The following TTC17 variants were observed in gnomAD, a reference collection of about 807,000 sequenced individuals.
The protein encoded by TTC17 is tetratricopeptide repeat domain 17.
A neutral mutation model predicts 143.8 loss-of-function variants in TTC17; 58 were observed. That is an observed-to-expected ratio of 0.40 (90% CI 0.33 to 0.50). The LOEUF (loss-of-function observed/expected upper bound fraction) is 0.50, where lower values mean the gene tolerates loss of function less well. TTC17 is among the 20% of genes least tolerant of loss of function. The pLI is 0.49. For missense variants in TTC17, 1,273 were observed against 1,392.5 expected, an observed-to-expected ratio of 0.91 and a Z score of 1.37; for synonymous variants, 501 against 497.8, an observed-to-expected ratio of 1.01 and a Z score of -0.09.
chr11:43,386,279 T>G (rs1857166717), intron 2 of TTC17, among the ~76,000 whole-genome samples: 1 of 152,178 alleles, frequency 6.6e-6, no homozygotes, highest in Admixed American at 6.5e-5. Context: ...AGGAATATGC[T>G]CTGAGAAATG....
At chr11:43,397,016 CTTTCCA>C (rs1474906753) in intron 6 of TTC17, 198 bp downstream of exon 6, 2 of 466,898 alleles carry the variant, frequency 4.3e-6, no homozygotes, top group African/African-American at 3.9e-5. Flanking sequence ...GTGTAATATA[CTTTCCA>C]TTTCCATTAA....
intron 13 of TTC17, among the ~76,000 whole-genome samples, chr11:43,406,864 A>C (rs1858162877): frequency 6.6e-6 from 1 of 152,178 alleles, no homozygotes; most frequent in South Asian, 2.1e-4. Flanking sequence ...TGGGTTCTGA[A>C]CACTTAGGCT....
intron 16 of TTC17, among the ~76,000 whole-genome samples, chr11:43,442,647 G>A (rs2134726347): frequency 6.6e-6 from 1 of 152,246 alleles, no homozygotes; most frequent in South Asian, 2.1e-4. Context: ...ACCTTCATTG[G>A]ATAATAAAGG....
At chr11:43,436,489 A>G (rs1453439564) in intron 16 of TTC17, among the ~76,000 whole-genome samples, 1 of 152,238 alleles carries the variant, frequency 6.6e-6, no homozygotes, top group Non-Finnish European at 1.5e-5. Flanking sequence ...GAGGCAGAAG[A>G]CAAGCTTTAG....
chr11:43,492,014 T>C lies in TTC17; in HGVS notation c.3151-6T>C. ...TCCCTTCTCACCATTCTCCTTCTTC[T>C]CCCAGGATGTGCCCCTGATTAGCCT... On this transcript the variant is annotated splice_polypyrimidine_tract_variant and splice_region_variant and intron_variant, in intron 22 of 23. Transcript: ENST00000039989. 6.2e-7 allele frequency: 1 copy of C among 1,612,416 alleles called. No individual in the cohort carries two copies. Among genetic ancestry groups the C allele is most frequent in the Non-Finnish European group, 8.5e-7 (1 of 1,179,300 alleles).
intron 21 of TTC17, among the ~76,000 whole-genome samples, chr11:43,460,023 T>C (rs746485031): frequency 1.3e-5 from 2 of 152,194 alleles, no homozygotes; most frequent in Non-Finnish European, 2.9e-5. Flanking sequence ...TCAGGGAGCA[T>C]CTGTAGTAGT....
At chr11:43,387,866 A>G (rs150088350) in intron 2 of TTC17, among the ~76,000 whole-genome samples, 3 of 152,352 alleles carry the variant, frequency 2.0e-5, no homozygotes, top group East Asian at 1.9e-4. Context: ...ACAATAACAT[A>G]GTCTACTACC....
chr11:43,396,128 G>A (rs1356768113), intron 5 of TTC17: 2 of 151,732 alleles, frequency 1.3e-5, no homozygotes, highest in African/African-American at 2.4e-5. Context: ...TTTAGTCTTT[G>A]CCACTTTGTA....
intron 1 of TTC17, among the ~76,000 whole-genome samples, chr11:43,360,317 A>G (rs1280916566): frequency 1.3e-5 from 2 of 152,380 alleles, no homozygotes. Flanking sequence ...TCTATATGAC[A>G]TACATAAAGA....
At chr11:43,411,962 G>C (rs879838970) in intron 15 of TTC17, among the ~76,000 whole-genome samples, 1 of 152,060 alleles carries the variant, frequency 6.6e-6, no homozygotes, top group Non-Finnish European at 1.5e-5. Flanking sequence ...GTTTTACATA[G>C]GGATATATTG....
At chr11:43,364,046 T>C (rs193196937) in intron 1 of TTC17, among the ~76,000 whole-genome samples, 1 of 139,294 alleles carries the variant, frequency 7.2e-6, no homozygotes, top group African/African-American at 2.6e-5. Flanking sequence ...GTACAGATCC[T>C]CTTTTTTTTT....
At chr11:43,436,078 C>A in intron 16 of TTC17, 3 of 1,151,464 alleles carry the variant, frequency 2.6e-6, no homozygotes, top group Non-Finnish European at 3.3e-6. Context: ...CACATTTTTG[C>A]TCTTCTTGAT....
chr11:43,454,426 A>T (rs1192420794), intron 21 of TTC17, among the ~76,000 whole-genome samples: 1 of 152,186 alleles, frequency 6.6e-6, no homozygotes, highest in Non-Finnish European at 1.5e-5. Flanking sequence ...CAATATAGTA[A>T]AAGAATACAC....
At chr11:43,368,479 A>G (rs1213855988) in intron 1 of TTC17, among the ~76,000 whole-genome samples, 1 of 152,040 alleles carries the variant, frequency 6.6e-6, no homozygotes, top group Non-Finnish European at 1.5e-5. Flanking sequence ...TCATATCTCA[A>G]ACCCAACGTA....
At chr11:43,450,841 CAT>C (rs1349804069) in intron 20 of TTC17, among the ~76,000 whole-genome samples, 2 of 152,072 alleles carry the variant, frequency 1.3e-5, no homozygotes, top group African/African-American at 2.4e-5. Context: ...ATCTGAAAGA[CAT>C]ATAAAGGTAT....
intron 21 of TTC17, among the ~76,000 whole-genome samples, chr11:43,461,240 C>T (rs551939337): frequency 1.3e-4 from 20 of 151,976 alleles, no homozygotes; most frequent in Non-Finnish European, 2.5e-4. Flanking sequence ...AAAAATTAGC[C>T]GGGCGCAGTG....
intron 20 of TTC17, 89 bp downstream of exon 20, chr11:43,450,330 T>A (rs1192489390): frequency 2.1e-6 from 3 of 1,395,544 alleles, no homozygotes; most frequent in Non-Finnish European, 2.8e-6. Flanking sequence ...TGACCGGGCC[T>A]TTTAAAAAAA....
intron 16 of TTC17, among the ~76,000 whole-genome samples, chr11:43,442,294 A>C (rs1471517673): frequency 6.6e-6 from 1 of 152,190 alleles, no homozygotes; most frequent in African/African-American, 2.4e-5. Context: ...CATGTTCTAA[A>C]TCCCTGAACA....
intron 1 of TTC17, among the ~76,000 whole-genome samples, chr11:43,368,955 C>A (rs957708221): frequency 6.6e-6 from 1 of 152,164 alleles, no homozygotes; most frequent in Non-Finnish European, 1.5e-5. Flanking sequence ...GCCTTTGGAC[C>A]TTTGTCCTTG....
Sources: gnomAD v4.1 joint callset for allele counts (sites outside exome capture counted in the v4.1 genomes callset) on GRCh38, gnomAD v4.1.1 for gene constraint, MANE v1.5 for transcripts, NCBI Gene and HGNC (gene_info 2026-07-23, HGNC 2026-07-21) for gene names.